Variants in LRRTM4 observed in about 807,000 individuals in gnomAD.
LRRTM4 encodes leucine rich repeat transmembrane neuronal 4.
In LRRTM4, 25 loss-of-function variants were observed where a neutral mutation model predicts 47.6. That is an observed-to-expected ratio of 0.53 (90% CI 0.38 to 0.73). LRRTM4 has a LOEUF of 0.73. Among genes scored for constraint, LRRTM4 ranks in the 30% least tolerant of loss-of-function variants. The pLI is 0.00. For missense variants in LRRTM4, 638 were observed against 713.4 expected (o/e 0.89, Z 1.20); for synonymous variants, 311 against 269.5 (o/e 1.15, Z -1.51).
intron 3 of LRRTM4, among the ~76,000 whole-genome samples, chr2:77,265,932 G>A (rs865891972): frequency 6.6e-6 from 1 of 152,224 alleles, no homozygotes; most frequent in African/African-American, 2.4e-5. Flanking sequence ...ATGTAAAAAG[G>A]TAAGCATAAC....
chr2:77,152,241 G>T (rs1672449032), intron 3 of LRRTM4, among the ~76,000 whole-genome samples: 1 of 152,172 alleles, frequency 6.6e-6, no homozygotes, highest in Non-Finnish European at 1.5e-5. Flanking sequence ...AGGGCAGAGA[G>T]AATGACATTA....
chr2:77,343,611 A>G (rs188904965), intron 3 of LRRTM4, among the ~76,000 whole-genome samples: 2 of 152,058 alleles, frequency 1.3e-5, no homozygotes, highest in East Asian at 3.9e-4. Flanking sequence ...TATAGTTATT[A>G]TATAATCTAA....
chr2:77,043,006 AAT>A (rs1401710990), intron 3 of LRRTM4, among the ~76,000 whole-genome samples: 1 of 151,688 alleles, frequency 6.6e-6, no homozygotes, highest in Non-Finnish European at 1.5e-5. Context: ...TCTGTTTCTC[AAT>A]ATATGCTGGG....
At chr2:77,220,333 G>A (rs1050691450) in intron 3 of LRRTM4, among the ~76,000 whole-genome samples, 7 of 152,182 alleles carry the variant, frequency 4.6e-5, no homozygotes. Flanking sequence ...CTCCTCACCA[G>A]CAACGGAACA....
chr2:76,801,993 T>G (rs553639102), intron 3 of LRRTM4, among the ~76,000 whole-genome samples: 1 of 152,268 alleles, frequency 6.6e-6, no homozygotes, highest in East Asian at 1.9e-4. Context: ...AGGCAGTATA[T>G]GGCAACCCCA....
intron 3 of LRRTM4, among the ~76,000 whole-genome samples, chr2:76,980,712 G>T (rs1328398575): frequency 3.3e-5 from 5 of 152,038 alleles, no homozygotes; most frequent in Admixed American, 6.6e-5. Context: ...CCTGAAGTGA[G>T]CCCAGCCAGC....
intron 3 of LRRTM4, among the ~76,000 whole-genome samples, chr2:76,795,095 T>C (rs552112307): frequency 6.6e-6 from 1 of 152,144 alleles, no homozygotes; most frequent in Middle Eastern, 3.4e-3. Context: ...ACGGCAGATA[T>C]GACATGCTCA....
intron 3 of LRRTM4, among the ~76,000 whole-genome samples, chr2:77,472,205 G>C (rs1677215994): frequency 6.6e-6 from 1 of 152,150 alleles, no homozygotes; most frequent in African/African-American, 2.4e-5. Flanking sequence ...TGCTCAGTGA[G>C]AGAAGACTGC....
intron 3 of LRRTM4, among the ~76,000 whole-genome samples, chr2:77,033,924 G>A (rs115279428): frequency 0.018 from 2,729 of 151,646 alleles, 72 homozygotes; most frequent in African/African-American, 0.062. Flanking sequence ...CTTACTTTGC[G>A]AGCTGTAAGC....
chr2:76,899,504 C>G (rs1028514111), intron 3 of LRRTM4, among the ~76,000 whole-genome samples: 1 of 151,930 alleles, frequency 6.6e-6, no homozygotes, highest in African/African-American at 2.4e-5. Context: ...AAAGAGGTGA[C>G]AAATAAACCC....
At chr2:77,218,630 A>C (rs908443168) in intron 3 of LRRTM4, among the ~76,000 whole-genome samples, 50 of 152,054 alleles carry the variant, frequency 3.3e-4, no homozygotes, top group African/African-American at 1.2e-3. Flanking sequence ...AGAGTTGGAG[A>C]ATTTCTCTCA....
intron 3 of LRRTM4, among the ~76,000 whole-genome samples, chr2:77,012,664 T>C (rs1573450203): frequency 6.6e-6 from 1 of 152,130 alleles, no homozygotes; most frequent in Admixed American, 6.6e-5. Context: ...CCTCTAGATA[T>C]GGAACTGGGA....
chr2:77,361,935 A>G (rs1672229112), intron 3 of LRRTM4, among the ~76,000 whole-genome samples: 1 of 151,874 alleles, frequency 6.6e-6, no homozygotes, highest in East Asian at 1.9e-4. Flanking sequence ...AAATACAAAA[A>G]TTGGCTGGGC....
chr2:76,923,765 C>T (rs1674505305), intron 3 of LRRTM4, among the ~76,000 whole-genome samples: 1 of 152,076 alleles, frequency 6.6e-6, no homozygotes. Flanking sequence ...TACTGTGTTT[C>T]ACAAAGGCAA....
At chr2:77,084,093 C>T (rs755737728) in intron 3 of LRRTM4, among the ~76,000 whole-genome samples, 2 of 152,024 alleles carry the variant, frequency 1.3e-5, no homozygotes, top group African/African-American at 2.4e-5. Flanking sequence ...GTGTGAGCCA[C>T]CATGCGTGGC....
chr2:77,452,413 T>C (rs183594751), intron 3 of LRRTM4, among the ~76,000 whole-genome samples: 45 of 152,296 alleles, frequency 3.0e-4, no homozygotes, highest in Middle Eastern at 6.8e-3. Context: ...AATGAGTGTG[T>C]CATGAGCTCG....
intron 3 of LRRTM4, among the ~76,000 whole-genome samples, chr2:77,288,392 G>T (rs996163809): frequency 6.6e-6 from 1 of 151,818 alleles, no homozygotes; most frequent in Admixed American, 6.6e-5. Context: ...ATGAAATGGA[G>T]TGTGAGAAGA....
intron 3 of LRRTM4, among the ~76,000 whole-genome samples, chr2:76,964,163 T>C (rs1184691575): frequency 6.6e-6 from 1 of 151,026 alleles, no homozygotes; most frequent in African/African-American, 2.4e-5. Context: ...TGTTTGTAGC[T>C]GTGACCCTAA....
intron 3 of LRRTM4, among the ~76,000 whole-genome samples, chr2:76,751,586 C>T (rs761845324): frequency 2.6e-5 from 4 of 152,026 alleles, no homozygotes; most frequent in Non-Finnish European, 1.5e-5. Context: ...CTCTAATCTC[C>T]CTCACCCCAA....
Sources: gnomAD v4.1 joint callset for allele counts (sites outside exome capture counted in the v4.1 genomes callset) on GRCh38, gnomAD v4.1.1 for gene constraint, MANE v1.5 for transcripts, NCBI Gene and HGNC (gene_info 2026-07-23, HGNC 2026-07-21) for gene names.